Variants in ANO7 observed in about 807,000 individuals in gnomAD.
ANO7 encodes the protein anoctamin-7.
ANO7 carries 114 observed loss-of-function variants against 115.8 expected under a neutral mutation model. The observed-to-expected ratio is 0.98, with a 90% CI of 0.85 to 1.15. The LOEUF (loss-of-function observed/expected upper bound fraction) is 1.15. Among genes scored for constraint, ANO7 ranks in the 50% most tolerant of loss-of-function variants. The pLI is 0.00. For missense variants in ANO7, 1,302 were observed against 1,201.2 expected, an observed-to-expected ratio of 1.08 and a Z score of -1.24; for synonymous variants, 550 against 498.2, an observed-to-expected ratio of 1.10 and a Z score of -1.38.
chr2:241,199,315 G>A lies in ANO7; in HGVS notation c.310-1G>A, dbSNP rs2068413902. 6.2e-7 allele frequency: 1 copy of A among 1,613,484 alleles called. No individual in the cohort carries two copies. The highest frequency in any genetic ancestry group is 1.7e-5 in the Admixed American group (1 of 60,008). ...TCTCACGGAGCCCTGGGTGCCTACA[G>A]CAGGACGTCCAGGACGGGAACACCA... On this transcript the variant is annotated splice_acceptor_variant, in intron 4 of 24. Transcript: ENST00000674324. LOFTEE classifies it high-confidence loss of function.
chr2:241,199,255 C>T (rs1204548928), intron 4 of ANO7, 61 bp from the exon 5 acceptor site: 9 of 1,405,726 alleles, frequency 6.4e-6, no homozygotes, highest in Non-Finnish European at 9.1e-6. Context: ...AATGGACACA[C>T]ACATGTGCAT....
chr2:241,202,933 C>T (rs546224008), intron 8 of ANO7, among the ~76,000 whole-genome samples: 7 of 152,282 alleles, frequency 4.6e-5, no homozygotes, highest in Non-Finnish European at 7.4e-5. Flanking sequence ...TGTGGAAATG[C>T]CAGGTGTCCC....
At chr2:241,199,113 C>T (rs375933165) in intron 4 of ANO7, 1 of 556,684 alleles carries the variant, frequency 1.8e-6, no homozygotes, top group African/African-American at 1.9e-5. Context: ...GGCCGACTCC[C>T]AAACGGGGCT....
Position 241,195,849 on chromosome 2 carries a change from C to T in ANO7, c.309+4C>T, listed in dbSNP as rs769952730. 48 of 1,613,824 alleles carry T rather than the reference C, an allele frequency of 3.0e-5. No homozygotes were observed. The highest frequency in any genetic ancestry group is 9.3e-5 in the African/African-American group (7 of 74,926). On this transcript the variant is annotated splice_donor_region_variant and intron_variant, in intron 4 of 24. Coordinates refer to ENST00000674324, the MANE Select transcript of ANO7 (RefSeq NM_001370694.2). ...GGCTGGGCTGTGTGTAGACCAGGTA[C>T]GTGGAGGCTGTCATGGGCAGGGCCC...
At chr2:241,189,514 C>T (rs535907793) in intron 1 of ANO7, among the ~76,000 whole-genome samples, 9 of 152,166 alleles carry the variant, frequency 5.9e-5, no homozygotes, top group South Asian at 2.1e-4. Flanking sequence ...GGCGAAGGTG[C>T]GGGAGGAAGC....
chr2:241,230,427 A>G (rs1158102685), downstream of ANO7, among the ~76,000 whole-genome samples: 5 of 152,256 alleles, frequency 3.3e-5, no homozygotes, highest in Admixed American at 1.3e-4. This position sits in a 1 kb window ranked among gnomAD's most constrained non-coding sequence, Gnocchi z 5.0. Flanking sequence ...CACCACACCA[A>G]GTTAGGTGTA....
chr2:241,234,271 C>T, the ANO7 span, among the ~76,000 whole-genome samples: 11 of 152,130 alleles, frequency 7.2e-5, no homozygotes, highest in Non-Finnish European at 8.8e-5. Flanking sequence ...GCTTGGGGCC[C>T]CGCTCTCCTC....
At chr2:241,190,387 G>T (rs2068170143) in intron 2 of ANO7, among the ~76,000 whole-genome samples, 1 of 152,206 alleles carries the variant, frequency 6.6e-6, no homozygotes, top group African/African-American at 2.4e-5. Context: ...GAACCGAGCA[G>T]AACCCACTGA....
In ANO7 at chr2:241,203,357, G is replaced by A. The variant is rs1256118799; in HGVS notation, c.748G>A (p.Gly250Ser). ...HDGPFKTPPEGPQAPRLNQRQ... is the reference protein window; with the variant it reads ...HDGPFKTPPESPQAPRLNQRQ... ...GGGCCCCTTCAAGACGCCCCCAGAG[G>A]GCCCGCAGGCTCCACGCCTCAACCA... Residue 250 changes from glycine (G) to serine (S), a missense_variant, in exon 9 of 25, where the codon GGC (glycine) becomes AGC (serine). By Grantham distance (56) the Gly-to-Ser change is moderately conservative (BLOSUM62 0). Coordinates refer to ENST00000674324, the MANE Select transcript of ANO7 (RefSeq NM_001370694.2). The surrounding 1 kb of genome is among the most constrained non-coding windows in gnomAD (Gnocchi z 4.8). The A allele has an allele frequency of 3.2e-6, 5 of 1,576,808 alleles. No individual in the cohort carries two copies. The highest frequency in any genetic ancestry group is 2.6e-6 in the Non-Finnish European group (3 of 1,163,730).
downstream of ANO7, chr2:241,230,136 G>A: frequency 9.4e-6 from 15 of 1,602,388 alleles, no homozygotes; most frequent in African/African-American, 1.3e-5. The surrounding 1 kb of genome is among the most constrained non-coding windows in gnomAD (Gnocchi z 5.0). Context: ...AGGGCTCCAA[G>A]GCCCACAGAG....
At chr2:241,236,620 G>T in the ANO7 span, 1 of 1,613,962 alleles carries the variant, frequency 6.2e-7, no homozygotes, top group Non-Finnish European at 8.5e-7. Context: ...CATACCTCCA[G>T]AGCTTCCTTG....
intron 15 of ANO7, 142 bp downstream of exon 15, chr2:241,210,712 C>T: frequency 2.7e-6 from 2 of 749,910 alleles, no homozygotes; most frequent in Non-Finnish European, 4.4e-6. Flanking sequence ...CAGGATCTCA[C>T]TCTGTTGCCC....
the ANO7 span, chr2:241,236,098 C>CA: frequency 9.5e-5 from 18 of 189,798 alleles, 1 homozygote; most frequent in Middle Eastern, 2.4e-3. Flanking sequence ...TTTCTTGCCA[C>CA]AGCATTTACC....
rs116088963 is a variant in ANO7, at chr2:241,211,472, C to T, written c.1562-622C>T. 3.1e-3 allele frequency among the ~76,000 whole-genome samples: 474 copies of T among 152,332 alleles called. 1 individual carries two copies. Among genetic ancestry groups the T allele is most frequent in the African/African-American group, 0.011 (463 of 41,570 alleles). On this transcript the variant is annotated intron_variant, in intron 15 of 24. Coordinates refer to ENST00000674324, the MANE Select transcript of ANO7 (RefSeq NM_001370694.2). ...AAGCTGGCAGCCCCACCCTGGAGCCCAGGTTCTAGGAGAGGGGACAGAACT... is the reference window on the plus strand; with the variant it reads ...AAGCTGGCAGCCCCACCCTGGAGCCTAGGTTCTAGGAGAGGGGACAGAACT...
chr2:241,215,460 T>A (rs1202349191), intron 18 of ANO7, among the ~76,000 whole-genome samples: 2 of 152,230 alleles, frequency 1.3e-5, no homozygotes, highest in Non-Finnish European at 2.9e-5. Context: ...CCTGAACACC[T>A]GATCTGCCCC....
At chr2:241,200,335 C>T (rs1400616155) in intron 6 of ANO7, 110 bp downstream of exon 6, 15 of 1,426,716 alleles carry the variant, frequency 1.1e-5, no homozygotes, top group East Asian at 4.8e-5. Context: ...CTGGAGTTTT[C>T]GGCAGGGAAT....
intron 10 of ANO7, among the ~76,000 whole-genome samples, chr2:241,205,771 GTCT>G: frequency 1.3e-5 from 1 of 77,362 alleles, no homozygotes; most frequent in African/African-American, 5.6e-5. Flanking sequence ...AGTGCTCCCA[GTCT>G]GACAGGTGGA....
chr2:241,229,979 G>A (rs746633644), downstream of ANO7: 3 of 1,587,418 alleles, frequency 1.9e-6, no homozygotes, highest in East Asian at 6.7e-5. Flanking sequence ...CAGAAGACAG[G>A]AAGACAGGGT....
At chr2:241,191,317 G>A (rs924830066) in intron 3 of ANO7, 66 bp downstream of exon 3, 2 of 1,584,492 alleles carry the variant, frequency 1.3e-6, no homozygotes, top group Admixed American at 1.7e-5. Context: ...CCACGGGGGT[G>A]CCCCCAGGGG....
Sources: allele counts gnomAD v4.1 joint callset (sites outside exome capture counted in the v4.1 genomes callset), GRCh38; gene constraint gnomAD v4.1.1; non-coding constraint Gnocchi (gnomAD v3.1); transcripts MANE v1.5; gene names NCBI Gene and HGNC (gene_info 2026-07-23, HGNC 2026-07-21).